The following ZPBP variants were observed in gnomAD, a reference collection of about 807,000 sequenced individuals.
ZPBP encodes zona pellucida-binding protein 1.
ZPBP carries 26 observed loss-of-function variants against 44.8 expected under a neutral mutation model. The observed-to-expected ratio is 0.58, with a 90% confidence interval of 0.43 to 0.81. The LOEUF is 0.81. Among genes scored for constraint, ZPBP ranks in the 30% least tolerant of loss-of-function variants. The probability of loss-of-function intolerance (pLI) is 0.00; values close to 1 mark genes in which losing one functional copy is unlikely to be tolerated. For synonymous variants in ZPBP, 174 were observed against 153.2 expected, an observed-to-expected ratio of 1.14 and a Z score of -1.00; for missense variants, 409 against 434.0, an observed-to-expected ratio of 0.94 and a Z score of 0.51.
chr7:49,958,260 T>C (rs565645002), intron 7 of ZPBP, among the ~76,000 whole-genome samples: 1 of 152,184 alleles, frequency 6.6e-6, no homozygotes, highest in Non-Finnish European at 1.5e-5. Context: ...AACATTTCAG[T>C]TGATGCTGAA....
rs3062198 is a variant in ZPBP at position 49,862,726 on chromosome 7, G to GT, written n.510-12213dup. On this transcript the variant is annotated intron_variant and non_coding_transcript_variant, in intron 2 of 2. Coordinates refer to the ZPBP transcript ENST00000465922. ...TCTGCATCAATTGAGATGACCATGA[G>GT]TTTTTTTTTTTCATTCTTCATTCTG... Among the ~76,000 whole-genome samples, 1,385 of 143,390 alleles carry GT rather than the reference G, an allele frequency of 9.7e-3. 23 individuals carry two copies. The highest frequency in any genetic ancestry group is 0.032 in the African/African-American group (1,256 of 39,200). 94.1% of individuals were successfully genotyped at this position (143,390 alleles called of 152,430 possible). A position where few individuals can be genotyped will look rare whatever the true frequency, so the allele number is the denominator to read the frequency against.
intron 3 of ZPBP, among the ~76,000 whole-genome samples, chr7:50,081,158 C>CT (rs1462577422): frequency 6.6e-6 from 1 of 151,502 alleles, no homozygotes; most frequent in Non-Finnish European, 1.5e-5. Flanking sequence ...TAAAATAAGC[C>CT]TGTAAGTTTC....
intron 2 of ZPBP, among the ~76,000 whole-genome samples, chr7:49,863,777 T>C (rs1419072487): frequency 6.6e-6 from 1 of 152,180 alleles, no homozygotes; most frequent in African/African-American, 2.4e-5. Context: ...ATCTGTATTA[T>C]TTCCTTCCTC....
intron 7 of ZPBP, among the ~76,000 whole-genome samples, chr7:49,952,177 C>T (rs1795371794): frequency 6.6e-6 from 1 of 151,706 alleles, no homozygotes; most frequent in African/African-American, 2.4e-5. Context: ...GTACTAAATG[C>T]TATTAAATTG....
intron 2 of ZPBP, among the ~76,000 whole-genome samples, chr7:49,889,487 G>C (rs1302235283): frequency 2.0e-5 from 3 of 152,188 alleles, no homozygotes. Flanking sequence ...ACAAAATCAG[G>C]GCAGCTAAGA....
At chr7:50,033,712 A>T (rs1273593080) in intron 4 of ZPBP, among the ~76,000 whole-genome samples, 4 of 43,956 alleles carry the variant, frequency 9.1e-5, no homozygotes, top group Non-Finnish European at 1.6e-4. Flanking sequence ...ATTTATTTAG[A>T]GATGGAGTTT....
chr7:49,847,715 G>A (rs1789999501), downstream of ZPBP, among the ~76,000 whole-genome samples: 1 of 152,168 alleles, frequency 6.6e-6, no homozygotes, highest in South Asian at 2.1e-4. Flanking sequence ...GAAGGGGTGA[G>A]GCGGGCTTAG....
chr7:49,993,736 A>G (rs947673879), intron 6 of ZPBP, among the ~76,000 whole-genome samples: 4 of 152,166 alleles, frequency 2.6e-5, no homozygotes, highest in Non-Finnish European at 5.9e-5. Flanking sequence ...TTGTTGGCAG[A>G]CTGGGCACTT....
chr7:49,996,080 T>A (rs548746906), intron 6 of ZPBP, among the ~76,000 whole-genome samples: 1 of 152,198 alleles, frequency 6.6e-6, no homozygotes, highest in African/African-American at 2.4e-5. Flanking sequence ...CCTGACTTGA[T>A]CATTATGCAT....
At chr7:50,057,864 G>T in intron 4 of ZPBP, 125 bp downstream of exon 4, 1 of 872,230 alleles carries the variant, frequency 1.1e-6, no homozygotes, top group Non-Finnish European at 1.7e-6. Flanking sequence ...TAGGGAGGCA[G>T]TAATTCTTTT....
intron 2 of ZPBP, among the ~76,000 whole-genome samples, chr7:49,892,138 G>A (rs1484394288): frequency 6.8e-6 from 1 of 146,550 alleles, no homozygotes; most frequent in Non-Finnish European, 1.5e-5. Flanking sequence ...TCCGCCTCCC[G>A]GGTTCACGCC....
At chr7:49,893,018 AG>A (rs1792211218) in intron 2 of ZPBP, among the ~76,000 whole-genome samples, 1 of 152,224 alleles carries the variant, frequency 6.6e-6, no homozygotes, top group Non-Finnish European at 1.5e-5. Context: ...TTTTTTAAAC[AG>A]GTTACCTTTT....
At chr7:50,007,143 T>C (rs1201950172) in intron 6 of ZPBP, among the ~76,000 whole-genome samples, 2 of 151,948 alleles carry the variant, frequency 1.3e-5, no homozygotes, top group African/African-American at 4.8e-5. Flanking sequence ...ATACCAAATC[T>C]GCTGAAACCT....
At chr7:49,970,851 C>T (rs1796274078) in intron 7 of ZPBP, among the ~76,000 whole-genome samples, 1 of 138,524 alleles carries the variant, frequency 7.2e-6, no homozygotes, top group Non-Finnish European at 1.5e-5. Flanking sequence ...CCAGTCTCTA[C>T]AAAATAATAA....
At chr7:50,090,597 ATATATGCGTATATATGTGTATATATGTG>A (rs1478159783) in intron 1 of ZPBP, among the ~76,000 whole-genome samples, 2 of 122,118 alleles carry the variant, frequency 1.6e-5, no homozygotes, top group Admixed American at 9.2e-5. Flanking sequence ...ATATATGCGT[ATATATGCGTATATATGTGTATATATGTG>A]TATATATATA....
chr7:49,955,438 T>C (rs1795544010), intron 7 of ZPBP, among the ~76,000 whole-genome samples: 1 of 151,974 alleles, frequency 6.6e-6, no homozygotes, highest in African/African-American at 2.4e-5. Context: ...GTGCCTTTAA[T>C]CCCAGCTGCT....
intron 2 of ZPBP, among the ~76,000 whole-genome samples, chr7:50,087,321 A>G (rs1026945002): frequency 1.3e-5 from 2 of 152,068 alleles, no homozygotes; most frequent in African/African-American, 4.8e-5. Context: ...ATACATCATA[A>G]TCAACTGGAA....
chr7:49,934,913 T>A (rs1406957352), downstream of ZPBP, among the ~76,000 whole-genome samples: 3 of 152,164 alleles, frequency 2.0e-5, no homozygotes. Flanking sequence ...GGTATAATTA[T>A]CAGATGATAT....
intron 6 of ZPBP, among the ~76,000 whole-genome samples, chr7:50,002,844 T>C (rs911355177): frequency 1.3e-5 from 2 of 152,174 alleles, no homozygotes; most frequent in African/African-American, 2.4e-5. Context: ...GGAACATTTA[T>C]AAGAATATCA....
Sources: allele counts gnomAD v4.1 joint callset (sites outside exome capture counted in the v4.1 genomes callset), GRCh38; gene constraint gnomAD v4.1.1; transcripts MANE v1.5; gene names NCBI Gene and HGNC (gene_info 2026-07-23, HGNC 2026-07-21).